The following CHD1 variants were observed in gnomAD, a reference collection of about 807,000 sequenced individuals.
CHD1 encodes the protein chromodomain helicase DNA binding protein 1, also known as ATP-dependent chromatin remodeler CHD1.
Under a neutral mutation model 224.2 loss-of-function variants are expected in CHD1, and 36 were observed. The ratio of observed to expected loss-of-function variants is 0.16; its 90% CI spans 0.12 to 0.21. The LOEUF is 0.21. Among genes scored for constraint, CHD1 ranks in the 10% least tolerant of loss-of-function variants. The pLI is 1.00. For synonymous variants in CHD1, 668 were observed against 658.3 expected (o/e 1.01, Z -0.23); for missense variants, 1,378 against 1,994.8 (o/e 0.69, Z 5.89).
At chr5:98,894,844 A>T (rs537551043) in intron 12 of CHD1, among the ~76,000 whole-genome samples, 158 bp from the exon 13 acceptor site, 199 of 151,454 alleles carry the variant, frequency 1.3e-3, no homozygotes, top group African/African-American at 4.7e-3. Flanking sequence ...TTTTTGAGAC[A>T]GAGTTTTGCT....
intron 34 of CHD1, 142 bp downstream of exon 34, chr5:98,858,822 A>G: frequency 2.0e-6 from 1 of 492,782 alleles, no homozygotes; most frequent in Non-Finnish European, 3.5e-6. Context: ...GGTATGTATC[A>G]GAATTACTGT....
intron 15 of CHD1, among the ~76,000 whole-genome samples, chr5:98,890,455 A>G (rs327802): frequency 0.053 from 8,116 of 152,202 alleles, 712 homozygotes; most frequent in African/African-American, 0.19. Context: ...TAATTTCTCT[A>G]GAGGTAAAAA....
chr5:98,881,759 A>C (rs1391570484), intron 20 of CHD1, among the ~76,000 whole-genome samples: 1 of 152,150 alleles, frequency 6.6e-6, no homozygotes, highest in East Asian at 1.9e-4. Flanking sequence ...CTTGAAGCAT[A>C]GAAGTGAAAG....
At chr5:98,913,198 TG>T (rs1308143556) in intron 2 of CHD1, among the ~76,000 whole-genome samples, 2 of 152,150 alleles carry the variant, frequency 1.3e-5, no homozygotes, top group Non-Finnish European at 2.9e-5. Context: ...TTGCTAGGCA[TG>T]GTGGCTCACA....
chr5:98,878,558 T>A (rs958426874), intron 23 of CHD1, among the ~76,000 whole-genome samples: 4 of 152,208 alleles, frequency 2.6e-5, no homozygotes, highest in Non-Finnish European at 5.9e-5. Context: ...GCAATATAGC[T>A]TGGCATGGCA....
intron 33 of CHD1, 86 bp from the exon 34 acceptor site, chr5:98,859,101 TAATG>T: frequency 1.0e-6 from 1 of 963,142 alleles, no homozygotes; most frequent in South Asian, 1.6e-5. Flanking sequence ...AAAATACTGA[TAATG>T]AAGTCTTCAC....
chr5:98,872,235 G>GT, intron 27 of CHD1, 34 bp from the exon 28 acceptor site: 3 of 1,580,906 alleles, frequency 1.9e-6, no homozygotes, highest in Non-Finnish European at 2.6e-6. Flanking sequence ...TGATAAGTTT[G>GT]TAATTGCCTT....
intron 18 of CHD1, among the ~76,000 whole-genome samples, chr5:98,885,266 C>A (rs1358995592): frequency 6.6e-6 from 1 of 152,106 alleles, no homozygotes; most frequent in Non-Finnish European, 1.5e-5. Context: ...GTGGCACGCG[C>A]CTGTAATCCC....
chr5:98,906,146 A>G (rs555724441), intron 2 of CHD1, among the ~76,000 whole-genome samples: 2 of 152,306 alleles, frequency 1.3e-5, no homozygotes, highest in African/African-American at 4.8e-5. Context: ...AGAGAAATAA[A>G]AGTTTGCAGG....
rs1325967207 is a variant in CHD1 at position 98,901,313 on chromosome 5, A to C, written c.460T>G (p.Ser154Ala). The part of the protein sequence containing the change: ...HKDEDWQMSG[S>A]GSPSQSGSDS... ...GAACCAGACTGAGATGGAGATCCTG[A>C]CCCAGACATTTGCCAATCTTCACTG... Residue 154 changes from serine to alanine, a missense_variant, in exon 6 of 36, where the codon TCA (serine) becomes GCA (alanine). Physicochemically the swap from Ser to Ala is moderately conservative, Grantham distance 99. Coordinates refer to ENST00000614616, the MANE Select transcript of CHD1 (RefSeq NM_001270.4). The C allele has an allele frequency of 2.5e-6, 4 of 1,607,080 alleles. No homozygotes were observed. Among genetic ancestry groups the C allele is most frequent in the Non-Finnish European group, 3.4e-6 (4 of 1,178,412 alleles).
At chr5:98,926,924 G>T (rs796946517) in intron 1 of CHD1, among the ~76,000 whole-genome samples, 19 of 112,148 alleles carry the variant, frequency 1.7e-4, no homozygotes, top group African/African-American at 6.3e-4. Flanking sequence ...GAAGTGGGGG[G>T]GGGGGTGGGA....
rs541477887 is a variant in CHD1, at chr5:98,872,270, C to T, written c.3711-69G>A. ...TAACTGAAAAATTAATTTTGAAAAA[C>T]GTGAGTCATTAGAACTTCAAAATAA... On this transcript the variant is annotated intron_variant, in intron 27 of 35. Transcript: ENST00000614616. 5.9e-6 allele frequency: 9 copies of T among 1,524,028 alleles called. No individual in the cohort carries two copies. The East Asian group carries it at 1.1e-4, about 19-fold the overall frequency. The allele number at this position is 1,524,028 out of a possible 1,614,324, so 94.4% of individuals were successfully genotyped here.
intron 2 of CHD1, among the ~76,000 whole-genome samples, chr5:98,920,901 T>C (rs1401652753): frequency 6.6e-6 from 1 of 151,956 alleles, no homozygotes; most frequent in Non-Finnish European, 1.5e-5. Context: ...AGGAAAGACT[T>C]AGAAACTCTC....
Position 98,893,584 on chromosome 5 carries a change from C to A in CHD1, c.1823G>T (p.Trp608Leu). Residue 608 changes from tryptophan (W) to leucine (L), a missense_variant, in exon 14 of 36, where the codon TGG becomes TTG. By Grantham distance (61) the Trp-to-Leu change is moderately conservative. Around this residue, in one of 16 missense-constraint regions of CHD1, gnomAD observed 18 missense variants for 16.1 expected, o/e 1.11. Transcript: ENST00000614616. ...KDKAFLGGLN[W>L]AFIGVDEAHR... ...TGCTTCATCAACACCTATAAATGCC[C>A]AATTTAGACCTCCAAGGAATGCCTT... is the stretch of plus-strand genomic sequence containing the variant. 1 of 1,597,094 alleles carries A rather than the reference C, an allele frequency of 6.3e-7. No homozygotes were observed. The highest frequency in any genetic ancestry group is 8.5e-7 in the Non-Finnish European group (1 of 1,172,438).
chr5:98,919,722 C>T (rs866609917), intron 2 of CHD1, among the ~76,000 whole-genome samples: 2 of 152,058 alleles, frequency 1.3e-5, no homozygotes, highest in African/African-American at 2.4e-5. Flanking sequence ...TATGAACTCA[C>T]GTTTATGTAT....
chr5:98,891,123 G>A (rs756461892), intron 15 of CHD1, among the ~76,000 whole-genome samples: 14 of 152,134 alleles, frequency 9.2e-5, no homozygotes, highest in Non-Finnish European at 1.6e-4. Flanking sequence ...ACCCAGGCTG[G>A]AGTGCAGTGG....
At chr5:98,912,397 C>T (rs1012726773) in intron 2 of CHD1, among the ~76,000 whole-genome samples, 5 of 152,228 alleles carry the variant, frequency 3.3e-5, no homozygotes, top group East Asian at 1.9e-4. Flanking sequence ...AAACTGGGCA[C>T]GGTGGCTCAC....
intron 2 of CHD1, among the ~76,000 whole-genome samples, chr5:98,917,181 T>C (rs911179161): frequency 5.3e-5 from 8 of 152,038 alleles, no homozygotes; most frequent in Non-Finnish European, 1.0e-4. Context: ...TCACTCTGCT[T>C]TTTGCTTAAG....
intron 2 of CHD1, among the ~76,000 whole-genome samples, chr5:98,907,519 C>T (rs1047629973): frequency 1.0e-4 from 14 of 138,816 alleles, no homozygotes; most frequent in Admixed American, 7.2e-4. Context: ...ACCCTGGAGG[C>T]GGAGGTTGCA....
Sources: gnomAD v4.1 joint callset for allele counts (sites outside exome capture counted in the v4.1 genomes callset) on GRCh38, gnomAD v4.1.1 for gene constraint, gnomAD v4.1.1 regional missense constraint, MANE v1.5 for transcripts, NCBI Gene and HGNC (gene_info 2026-07-23, HGNC 2026-07-21) for gene names.